PRSS3: variants seen among roughly 807,000 people sequenced by gnomAD.
The protein encoded by PRSS3 is trypsin-3.
PRSS3 carries 14 observed loss-of-function variants against 20.8 expected under a neutral mutation model. The ratio of observed to expected loss-of-function variants is 0.67; its 90% CI spans 0.44 to 1.05. The LOEUF (loss-of-function observed/expected upper bound fraction) is 1.05, where lower values mean the gene tolerates loss of function less well. PRSS3 is among the 50% of genes least tolerant of loss of function. PRSS3 has a pLI of 0.00. For synonymous variants in PRSS3, 91 were observed against 117.6 expected (o/e 0.77, Z 1.46); for missense variants, 237 against 306.4 (o/e 0.77, Z 1.69).
rs1165385188 is a variant in PRSS3 at position 33,750,716 on chromosome 9, C to A, written c.-64C>A. On this transcript the variant is annotated 5_prime_UTR_variant, in exon 1 of 6. Coordinates refer to the PRSS3 transcript ENST00000342836. The surrounding 1 kb of genome is among the most constrained non-coding windows in gnomAD (Gnocchi z 4.8). ...GCGCGGGATGCAGACGGCTGCGAGG[C>A]GCTGGGCACAGGTCAGACGTCAGTA... 1 of 1,444,310 alleles carries A rather than the reference C, an allele frequency of 6.9e-7. No individual in the cohort carries two copies. The highest frequency in any genetic ancestry group is 1.5e-5 in the South Asian group (1 of 68,064). 89.5% of individuals were successfully genotyped at this position (1,444,310 alleles called of 1,614,324 possible).
chr9:33,755,468 T>C (rs1822897399), intron 1 of PRSS3, among the ~76,000 whole-genome samples: 1 of 152,136 alleles, frequency 6.6e-6, no homozygotes, highest in Non-Finnish European at 1.5e-5. Flanking sequence ...CTGGGTAACA[T>C]CTATTGACAT....
chr9:33,790,110 G>A (rs370266991), intron 1 of PRSS3, among the ~76,000 whole-genome samples: 29 of 151,956 alleles, frequency 1.9e-4, no homozygotes, highest in South Asian at 6.2e-4. Flanking sequence ...AGTATGACCC[G>A]CTCTCAGAAA....
chr9:33,761,283 G>A (rs1823191135), intron 1 of PRSS3, among the ~76,000 whole-genome samples: 1 of 152,230 alleles, frequency 6.6e-6, no homozygotes, highest in Admixed American at 6.5e-5. Context: ...AAGGGAGTCT[G>A]TAGGCGTGAG....
chr9:33,798,154 T>A, intron 3 of PRSS3, 72 bp downstream of exon 3: 1 of 1,185,462 alleles, frequency 8.4e-7, no homozygotes, highest in Non-Finnish European at 1.2e-6. Flanking sequence ...GCCCCTTTAT[T>A]TGAATCCTCT....
rs200462719 is a variant in PRSS3 at position 33,796,610 on chromosome 9, G to A, written c.41-33G>A. 88 of 1,613,092 alleles carry A rather than the reference G, an allele frequency of 5.5e-5. No homozygotes were observed. The Middle Eastern group carries it at 2.0e-3, about 36-fold the overall frequency. On this transcript the variant is annotated intron_variant, in intron 1 of 4. Transcript: ENST00000379405. Reference sequence around the variant, plus strand: ...GGAGCACCACCCCTAACATGCTACTGACTTGCCTTCTCCCTTCCTATTTCC... The same window carrying A: ...GGAGCACCACCCCTAACATGCTACTAACTTGCCTTCTCCCTTCCTATTTCC...
chr9:33,766,309 C>CA (rs1178597903), intron 1 of PRSS3, among the ~76,000 whole-genome samples: 1 of 145,026 alleles, frequency 6.9e-6, no homozygotes, highest in Non-Finnish European at 1.5e-5. Context: ...GGCGGTGGCT[C>CA]ACGCCTGTAA....
intron 1 of PRSS3, among the ~76,000 whole-genome samples, chr9:33,751,030 C>A (rs1472554524): frequency 6.6e-6 from 1 of 152,112 alleles, no homozygotes; most frequent in African/African-American, 2.4e-5. Flanking sequence ...GTGCCTATGT[C>A]CGGCTGGCCG....
At chr9:33,771,530 T>C (rs1823690617) in intron 1 of PRSS3, among the ~76,000 whole-genome samples, 1 of 151,752 alleles carries the variant, frequency 6.6e-6, no homozygotes, top group Non-Finnish European at 1.5e-5. Context: ...TTTCACTATG[T>C]TGGCCAGGCT....
At chr9:33,784,920 A>C (rs1187609172) in intron 1 of PRSS3, among the ~76,000 whole-genome samples, 1 of 152,168 alleles carries the variant, frequency 6.6e-6, no homozygotes, top group African/African-American at 2.4e-5. Flanking sequence ...CCTGGATTAT[A>C]TGAACTTGGA....
rs368439652 is a variant in PRSS3 at position 33,761,409 on chromosome 9, A to G, written c.-53+10682A>G. Among the ~76,000 whole-genome samples, 13 of 152,292 alleles carry G rather than the reference A, an allele frequency of 8.5e-5. No individual in the cohort carries two copies. In the East Asian group the frequency reaches 2.1e-3, roughly 25 times the overall value. On this transcript the variant is annotated intron_variant, in intron 1 of 5. Coordinates refer to the PRSS3 transcript ENST00000342836. ...TATCTAAACATGGAAAACATGCATTAAACATACGGTATTATGGCCAGGTGC... is the reference window on the plus strand; with the variant it reads ...TATCTAAACATGGAAAACATGCATTGAACATACGGTATTATGGCCAGGTGC...
chr9:33,769,892 G>A (rs1056534898), intron 1 of PRSS3, among the ~76,000 whole-genome samples: 5 of 152,236 alleles, frequency 3.3e-5, no homozygotes, highest in Admixed American at 6.5e-5. Flanking sequence ...TGGGCTGGGC[G>A]CGGTGGCTCA....
intron 1 of PRSS3, among the ~76,000 whole-genome samples, chr9:33,761,702 G>A (rs1252609963): frequency 4.0e-5 from 6 of 151,676 alleles, no homozygotes; most frequent in South Asian, 4.2e-4. Context: ...GCGAAACTCC[G>A]CCTCAAAAAT....
At chr9:33,780,307 CA>C (rs1317822995) in intron 1 of PRSS3, among the ~76,000 whole-genome samples, 2 of 152,124 alleles carry the variant, frequency 1.3e-5, no homozygotes, top group African/African-American at 4.8e-5. Context: ...TATATCCTGT[CA>C]AATTAAACTT....
chr9:33,791,783 G>A (rs1283084138), upstream of PRSS3, among the ~76,000 whole-genome samples: 1 of 152,156 alleles, frequency 6.6e-6, no homozygotes, highest in African/African-American at 2.4e-5. Flanking sequence ...AAATAATTTA[G>A]GTTTAGTCTC....
chr9:33,792,373 A>G (rs1047606979), upstream of PRSS3, among the ~76,000 whole-genome samples: 3 of 152,308 alleles, frequency 2.0e-5, no homozygotes, highest in Middle Eastern at 3.4e-3. Flanking sequence ...CACTTTTCAG[A>G]CTACTATGAG....
At position 33,796,636 on chromosome 9, in the gene PRSS3, A is replaced by G. The variant is rs1438310209; in HGVS notation, c.41-7A>G. ...ACTTGCCTTCTCCCTTCCTATTTCC[A>G]CTCCAGTTGCTGTCCCCTTTGACGA... is the stretch of plus-strand genomic sequence containing the variant. On this transcript the variant is annotated splice_region_variant and splice_polypyrimidine_tract_variant and intron_variant, in intron 1 of 4. Transcript: ENST00000379405. The G allele has an allele frequency of 3.1e-6, 5 of 1,613,422 alleles. No homozygotes were observed. The Admixed American group carries it at 5.0e-5, about 16-fold the overall frequency.
intron 1 of PRSS3, chr9:33,786,692 G>A (rs1190293036): frequency 2.6e-6 from 2 of 766,172 alleles, no homozygotes; most frequent in Non-Finnish European, 4.8e-6. Flanking sequence ...TGCAAATCAG[G>A]GCTCTGAGGC....
Position 33,798,086 on chromosome 9 carries a change from A to AG in PRSS3, c.454+5dup, listed in dbSNP as rs1432125428. The AG allele has an allele frequency of 1.9e-6, 3 of 1,614,116 alleles. No homozygotes were observed. Among genetic ancestry groups the AG allele is most frequent in the Non-Finnish European group, 2.5e-6 (3 of 1,180,052 alleles). Reference sequence around the variant, plus strand: ...GGCAACACTCTGAGCTTTGGTGGTGAGTGGGACCCTTTGTCCTTCTACTTC... The same window carrying AG: ...GGCAACACTCTGAGCTTTGGTGGTGAGGTGGGACCCTTTGTCCTTCTACTTC... On this transcript the variant is annotated splice_donor_region_variant and intron_variant, in intron 3 of 4. Coordinates refer to ENST00000379405, the MANE Select transcript of PRSS3 (RefSeq NM_002771.4).
intron 1 of PRSS3, among the ~76,000 whole-genome samples, chr9:33,762,467 C>T (rs1301052837): frequency 6.6e-6 from 1 of 152,184 alleles, no homozygotes; most frequent in Non-Finnish European, 1.5e-5. Context: ...CCCTCTGCAT[C>T]CCCTGCATTC....
Sources: gnomAD v4.1 joint callset for allele counts (sites outside exome capture counted in the v4.1 genomes callset) on GRCh38, gnomAD v4.1.1 for gene constraint, Gnocchi (gnomAD v3.1) non-coding constraint, MANE v1.5 for transcripts, NCBI Gene and HGNC (gene_info 2026-07-23, HGNC 2026-07-21) for gene names.